The following ZBTB41 variants were observed in gnomAD, a reference collection of about 807,000 sequenced individuals.
The protein encoded by ZBTB41 is zinc finger and BTB domain containing 41, also known as zinc finger and BTB domain-containing protein 41.
In ZBTB41, 42 loss-of-function variants were observed where a neutral mutation model predicts 87.6. The observed-to-expected ratio is 0.48, with a 90% confidence interval of 0.37 to 0.62. ZBTB41 has a LOEUF of 0.62. Among genes scored for constraint, ZBTB41 ranks in the 20% least tolerant of loss-of-function variants. The pLI is 0.00. For missense variants in ZBTB41, 799 were observed against 1,078.9 expected, an observed-to-expected ratio of 0.74 and a Z score of 3.63; for synonymous variants, 364 against 364.0, an observed-to-expected ratio of 1.00 and a Z score of 0.00.
In ZBTB41 at chr1:197,176,664, G is replaced by A. The variant is rs138771164; in HGVS notation, c.1779C>T (p.His593=). 1.4e-4 allele frequency: 218 copies of A among 1,607,488 alleles called. No individual in the cohort carries two copies. Among genetic ancestry groups the A allele is most frequent in the Middle Eastern group, 9.9e-4 (6 of 6,050 alleles). The change falls in exon 8 of 11, where the codon CAC becomes CAT. Residue 593 remains histidine (H), a synonymous_variant. Coordinates refer to ENST00000367405, the MANE Select transcript of ZBTB41 (RefSeq NM_194314.3). The part of the protein sequence containing the change: ...SFRHGSSYRL[H]LRVHHDDKRY... ...TTTTATCATCATGATGTACTCGTAAGTGAAGTCTATAAAGAAAAAAGAATT... is the reference window on the plus strand; with the variant it reads ...TTTTATCATCATGATGTACTCGTAAATGAAGTCTATAAAGAAAAAAGAATT...
rs139613117 is a variant in ZBTB41, at chr1:197,198,239, TATTAA to T, written c.1120+1110_1120+1114del. Reference sequence around the variant, plus strand: ...CAGCCTCAGTTAAAATATTAATAATTATTAAATTAGATTGTCCAAAGTATTCTGAT... The same window carrying T: ...CAGCCTCAGTTAAAATATTAATAATTATTAGATTGTCCAAAGTATTCTGAT... On this transcript the variant is annotated intron_variant, in intron 2 of 10. Transcript: ENST00000367405. Among the ~76,000 whole-genome samples the T allele has an allele frequency of 6.3e-3, 958 of 152,334 alleles. 14 individuals are homozygous for T. The highest frequency in any genetic ancestry group is 0.022 in the African/African-American group (925 of 41,580).
At chr1:197,178,248 T>C (rs1401941803) in intron 7 of ZBTB41, among the ~76,000 whole-genome samples, 169 bp downstream of exon 7, 2 of 151,782 alleles carry the variant, frequency 1.3e-5, no homozygotes, top group Non-Finnish European at 2.9e-5. Flanking sequence ...AGAATAAAGA[T>C]AATAAAATGT....
intron 8 of ZBTB41, 56 bp downstream of exon 8, chr1:197,176,508 T>C (rs976573131): frequency 5.0e-6 from 6 of 1,189,426 alleles, no homozygotes; most frequent in African/African-American, 1.5e-5. Flanking sequence ...TCATATTATG[T>C]TCCTTTCAGG....
chr1:197,171,526 T>C (rs1659477708), intron 10 of ZBTB41, among the ~76,000 whole-genome samples: 2 of 152,074 alleles, frequency 1.3e-5, no homozygotes, highest in Non-Finnish European at 2.9e-5. Context: ...TGTTAATTTA[T>C]ATGTAAAGGC....
In ZBTB41 at chr1:197,159,493, G is replaced by A. The variant is rs1452664698; in HGVS notation, c.2596C>T (p.Pro866Ser). ...CGAACTGGGTGAACTATATTTGCAG[G>A]TTGAGGAGTAAGAGTATATTTTTCC... is the stretch of plus-strand genomic sequence containing the variant. ...FLEKYTLTPQ[P>S]ANIVHPVRPE... Residue 866 changes from proline (P) to serine (S), a missense_variant, in exon 11 of 11, where the codon CCT becomes TCT. By Grantham distance (74) the Pro-to-Ser change is moderately conservative. Transcript: ENST00000367405. 6.8e-6 allele frequency: 11 copies of A among 1,613,912 alleles called. No individual in the cohort carries two copies. Among genetic ancestry groups the A allele is most frequent in the Admixed American group, 1.7e-5 (1 of 59,990 alleles).
At position 197,161,997 on chromosome 1, in the gene ZBTB41, T is replaced by C. The variant is rs117160572; in HGVS notation, c.2075-1983A>G. On this transcript the variant is annotated intron_variant, in intron 10 of 10. Transcript: ENST00000367405. ...TTAAGCATTTTCATTAAAAAAGTTT[T>C]ATAAGTGCAACGATGTTTTTAAACT... Among the ~76,000 whole-genome samples the C allele has an allele frequency of 7.0e-4, 106 of 152,278 alleles. 1 individual carries two copies. The East Asian group carries it at 0.02, about 29-fold the overall frequency.
intron 2 of ZBTB41, among the ~76,000 whole-genome samples, chr1:197,196,016 C>G (rs762393864): frequency 3.9e-5 from 6 of 152,158 alleles, no homozygotes; most frequent in South Asian, 2.1e-4. Flanking sequence ...TGGCTTCTTA[C>G]AAGCCCAAAG....
intron 10 of ZBTB41, among the ~76,000 whole-genome samples, chr1:197,165,102 T>TA (rs921369842): frequency 7.3e-5 from 11 of 149,906 alleles, no homozygotes; most frequent in East Asian, 3.9e-4. Flanking sequence ...AAATAAGTGG[T>TA]AAAAAATGAA....
rs149171863 is a variant in ZBTB41 at position 197,185,518 on chromosome 1, C to G, written c.1546+2774G>C. On this transcript the variant is annotated intron_variant, in intron 5 of 10. Transcript: ENST00000367405. ...TTTTCCAAAACAAGAATGTCTCATT[C>G]TAAGCACTCACAAACCTATGCAACA... Among the ~76,000 whole-genome samples the G allele has an allele frequency of 7.4e-3, 1,123 of 151,958 alleles. 12 individuals are homozygous for G. The highest frequency in any genetic ancestry group is 0.026 in the African/African-American group (1,067 of 41,468).
rs541467868 is a variant in ZBTB41 at position 197,157,554 on chromosome 1, C to A, written c.*1805G>T. On this transcript the variant is annotated 3_prime_UTR_variant, in exon 11 of 11. Transcript: ENST00000367405. ...TAGTCAACCTCAATCATGTAAGTAC[C>A]CCAGATATAACATTTCCACACAAAG... 6.6e-5 allele frequency: 10 copies of A among 151,838 alleles called. No homozygotes were observed. Among genetic ancestry groups the A allele is most frequent in the African/African-American group, 2.4e-4 (10 of 41,368 alleles). 9.4% of individuals were successfully genotyped at this position (151,838 alleles called of 1,614,324 possible). A position where few individuals can be genotyped will look rare whatever the true frequency, so the allele number is the denominator to read the frequency against.
Position 197,199,905 on chromosome 1 carries a change from G to A in ZBTB41, c.569C>T (p.Ser190Leu), listed in dbSNP as rs1571675215. ...APFHSELTEK[S>L]SPEETLNELT... ...TTCATTTAGTGTTTCTTCTGGTGATGACTTTTCAGTTAGCTCTGAATGAAA... is the reference window on the plus strand; with the variant it reads ...TTCATTTAGTGTTTCTTCTGGTGATAACTTTTCAGTTAGCTCTGAATGAAA... The change falls in exon 2 of 11, where the codon TCA (serine) becomes TTA (leucine). Residue 190 changes from serine to leucine, a missense_variant. Physicochemically the swap from Ser to Leu is moderately radical, Grantham distance 145. Around this residue, in one of 5 missense-constraint regions of ZBTB41, gnomAD observed 294 missense variants for 340.1 expected, o/e 0.86. Transcript: ENST00000367405. 1.2e-6 allele frequency: 2 copies of A among 1,611,950 alleles called. No individual in the cohort carries two copies. Among genetic ancestry groups the A allele is most frequent in the East Asian group, 4.5e-5 (2 of 44,872 alleles).
chr1:197,161,166 G>A (rs1005298914), intron 10 of ZBTB41, among the ~76,000 whole-genome samples: 6 of 152,034 alleles, frequency 3.9e-5, no homozygotes, highest in Non-Finnish European at 5.9e-5. Flanking sequence ...TCAGACTTCT[G>A]ACCTAAAGAA....
intron 9 of ZBTB41, among the ~76,000 whole-genome samples, chr1:197,174,414 A>C (rs1659553126): frequency 6.6e-6 from 1 of 152,084 alleles, no homozygotes; most frequent in African/African-American, 2.4e-5. Flanking sequence ...AGGCGTGTTA[A>C]TCCTATGTAC....
In ZBTB41 at chr1:197,200,603, G is replaced by A; in HGVS notation, c.-117-13C>T. ...AGGGTTTCATGGTCTGCAAAAGAGTGAGAACCACGTAAAATAACTCCATGG... is the reference window on the plus strand; with the variant it reads ...AGGGTTTCATGGTCTGCAAAAGAGTAAGAACCACGTAAAATAACTCCATGG... On this transcript the variant is annotated splice_polypyrimidine_tract_variant and intron_variant, in intron 1 of 10. Transcript: ENST00000367405. The A allele has an allele frequency of 5.1e-6, 4 of 785,044 alleles. No homozygotes were observed. The highest frequency in any genetic ancestry group is 5.7e-6 in the Non-Finnish European group (3 of 528,210). The allele number at this position is 785,044 out of a possible 1,614,324, so 48.6% of individuals were successfully genotyped here.
Position 197,172,153 on chromosome 1 carries a change from AT to A in ZBTB41, c.2074+6del. ...TATATATCTATGAACCACTCATTAA[AT>A]TTTACCTGAATGCGTTCGAAAATGC... On this transcript the variant is annotated splice_donor_region_variant and intron_variant, in intron 10 of 10. Transcript: ENST00000367405. 2 of 1,351,194 alleles carry A rather than the reference AT, an allele frequency of 1.5e-6. No individual in the cohort carries two copies. The highest frequency in any genetic ancestry group is 2.0e-6 in the Non-Finnish European group (2 of 1,025,446). 83.7% of individuals were successfully genotyped at this position (1,351,194 alleles called of 1,614,324 possible).
Position 197,199,680 on chromosome 1 carries a change from T to G in ZBTB41, c.794A>C (p.Asp265Ala). Residue 265 changes from aspartate to alanine, a missense_variant, in exon 2 of 11, where the codon GAC (aspartate) becomes GCC (alanine). Around this residue, in one of 5 missense-constraint regions of ZBTB41, gnomAD observed 294 missense variants for 340.1 expected, o/e 0.86. Coordinates refer to ENST00000367405, the MANE Select transcript of ZBTB41 (RefSeq NM_194314.3). ...RNRKCPVKFD[D>A]TSDDEQESGD... ...ACTTTCCTGTTCATCATCGCTGGTG[T>G]CATCAAACTTAACAGGGCACTTCCG... 1 of 1,613,610 alleles carries G rather than the reference T, an allele frequency of 6.2e-7. No homozygotes were observed. The highest frequency in any genetic ancestry group is 1.3e-5 in the African/African-American group (1 of 75,018).
Position 197,199,363 on chromosome 1 carries a change from CAAATGTTTTA to C in ZBTB41, c.1101_1110del (p.Asp367GlufsTer4). 6.6e-7 allele frequency: 1 copy of C among 1,507,330 alleles called. No individual in the cohort carries two copies. Among genetic ancestry groups the C allele is most frequent in the Non-Finnish European group, 8.8e-7 (1 of 1,135,072 alleles). 93.4% of individuals were successfully genotyped at this position (1,507,330 alleles called of 1,614,324 possible). On this transcript the variant is annotated frameshift_variant, in exon 2 of 11. Transcript: ENST00000367405. LOFTEE classifies it high-confidence loss of function. Reference sequence around the variant, plus strand: ...AGTTTTCTTTTCTTACCTATTCGGTCAAATGTTTTATCACATTTAGGACACTGCAATATTT... The same window carrying C: ...AGTTTTCTTTTCTTACCTATTCGGTCTCACATTTAGGACACTGCAATATTT...
chr1:197,184,088 C>A (rs774039837), intron 5 of ZBTB41, among the ~76,000 whole-genome samples: 37 of 152,108 alleles, frequency 2.4e-4, no homozygotes, highest in Non-Finnish European at 3.5e-4. Flanking sequence ...ATTTTCAAAT[C>A]AAAAAGAAGG....
At chr1:197,199,221 A>G in intron 2 of ZBTB41, 133 bp downstream of exon 2, 1 of 865,704 alleles carries the variant, frequency 1.2e-6, no homozygotes. Context: ...AACACTATTG[A>G]AAACCAAGGT....
Sources: gnomAD v4.1 joint callset for allele counts (sites outside exome capture counted in the v4.1 genomes callset) on GRCh38, gnomAD v4.1.1 for gene constraint, gnomAD v4.1.1 regional missense constraint, MANE v1.5 for transcripts, NCBI Gene and HGNC (gene_info 2026-07-23, HGNC 2026-07-21) for gene names.